FAF1: variants seen among roughly 807,000 people sequenced by gnomAD.
FAF1 encodes the protein FAS-associated factor 1.
FAF1 carries 25 observed loss-of-function variants against 92.5 expected under a neutral mutation model. The ratio of observed to expected loss-of-function variants is 0.27; its 90% CI spans 0.20 to 0.38. The LOEUF is 0.38. Among genes scored for constraint, FAF1 ranks in the 10% least tolerant of loss-of-function variants. The pLI is 1.00. For missense variants in FAF1, 636 were observed against 793.3 expected (o/e 0.80, Z 2.38); for synonymous variants, 234 against 273.2 (o/e 0.86, Z 1.42).
chr1:50,695,210 CCA>C (rs1431611383), intron 7 of FAF1, among the ~76,000 whole-genome samples: 1 of 151,968 alleles, frequency 6.6e-6, no homozygotes, highest in Non-Finnish European at 1.5e-5. Flanking sequence ...GAGTTCGAGA[CCA>C]ACCTGCCCAA....
chr1:50,531,544 C>G (rs1001190902), intron 15 of FAF1, among the ~76,000 whole-genome samples: 3 of 152,130 alleles, frequency 2.0e-5, no homozygotes, highest in Admixed American at 1.3e-4. Flanking sequence ...TGTTTTCCTC[C>G]TCACCCACTC....
At chr1:50,922,093 G>A (rs1644967805) in intron 1 of FAF1, among the ~76,000 whole-genome samples, 1 of 151,748 alleles carries the variant, frequency 6.6e-6, no homozygotes, top group East Asian at 1.9e-4. Context: ...TTAGAACCCG[G>A]GAGGCAGAGG....
At chr1:50,735,214 A>C (rs1320978912) in intron 6 of FAF1, among the ~76,000 whole-genome samples, 1 of 152,210 alleles carries the variant, frequency 6.6e-6, no homozygotes, top group Non-Finnish European at 1.5e-5. Flanking sequence ...AGTATAATTA[A>C]CAGTTTGTTT....
At chr1:50,596,084 G>T in intron 9 of FAF1, 37 bp downstream of exon 9, 1 of 1,416,618 alleles carries the variant, frequency 7.1e-7, no homozygotes, top group Non-Finnish European at 1.0e-6. Flanking sequence ...TGGGGGATGG[G>T]CCTTCTGTTC....
At chr1:50,484,242 T>C (rs1248869128) in intron 17 of FAF1, among the ~76,000 whole-genome samples, 1 of 152,128 alleles carries the variant, frequency 6.6e-6, no homozygotes, top group Non-Finnish European at 1.5e-5. Flanking sequence ...TATGACCTCA[T>C]TTCTGGATAA....
chr1:50,831,234 C>T (rs544516608), intron 2 of FAF1, among the ~76,000 whole-genome samples: 51 of 152,236 alleles, frequency 3.4e-4, no homozygotes, highest in Admixed American at 2.2e-3. Flanking sequence ...AAGTGCACTC[C>T]GTGATCCAGC....
chr1:50,781,150 TGA>T, intron 4 of FAF1: 1 of 269,538 alleles, frequency 3.7e-6, no homozygotes, highest in Non-Finnish European at 7.4e-6. Context: ...GGTGCCCCGG[TGA>T]GGGTCTACCC....
At chr1:50,869,690 C>CT (rs1644511059) in intron 1 of FAF1, among the ~76,000 whole-genome samples, 1 of 151,904 alleles carries the variant, frequency 6.6e-6, no homozygotes, top group South Asian at 2.1e-4. Flanking sequence ...TTTTTTAAAC[C>CT]TATAGTTTTC....
chr1:50,651,742 GC>G (rs1247781213), intron 8 of FAF1, among the ~76,000 whole-genome samples: 1 of 152,158 alleles, frequency 6.6e-6, no homozygotes, highest in Admixed American at 6.5e-5. Context: ...CCCAATTCAT[GC>G]CCTAAGCTGT....
At chr1:50,533,182 T>C (rs1184456590) in intron 15 of FAF1, among the ~76,000 whole-genome samples, 1 of 151,950 alleles carries the variant, frequency 6.6e-6, no homozygotes, top group Non-Finnish European at 1.5e-5. Flanking sequence ...TGGCTCCCTG[T>C]AGCCTCAGCT....
rs1324347254 is a variant in FAF1, at chr1:50,960,118, G to A, written c.-307C>T. On this transcript the variant is annotated 5_prime_UTR_variant, in exon 1 of 19. Coordinates refer to ENST00000396153, the MANE Select transcript of FAF1 (RefSeq NM_007051.3). ...GTCTTACAGTCGCGGGCCAGGATGA[G>A]GGCAGGTTGCGACAGCGCGCACCCG... is the stretch of plus-strand genomic sequence containing the variant. 2.6e-6 allele frequency: 1 copy of A among 381,742 alleles called. No individual in the cohort carries two copies. 23.6% of individuals were successfully genotyped at this position (381,742 alleles called of 1,614,324 possible).
intron 15 of FAF1, among the ~76,000 whole-genome samples, chr1:50,497,689 C>T (rs567770674): frequency 2.6e-5 from 4 of 151,810 alleles, no homozygotes; most frequent in African/African-American, 9.7e-5. Context: ...GCTGGGATTA[C>T]AGGTGCATGC....
At chr1:50,739,446 A>G (rs1337141490) in intron 5 of FAF1, among the ~76,000 whole-genome samples, 1 of 152,124 alleles carries the variant, frequency 6.6e-6, no homozygotes, top group African/African-American at 2.4e-5. Flanking sequence ...ATATATGTGT[A>G]TACACACATA....
chr1:50,625,940 A>G (rs1279221057), intron 8 of FAF1, among the ~76,000 whole-genome samples: 1 of 152,232 alleles, frequency 6.6e-6, no homozygotes, highest in African/African-American at 2.4e-5. Flanking sequence ...AAACAGGGAA[A>G]TCAGGAGAAA....
chr1:50,646,183 A>G (rs1406955562), intron 8 of FAF1, among the ~76,000 whole-genome samples: 1 of 152,152 alleles, frequency 6.6e-6, no homozygotes, highest in African/African-American at 2.4e-5. Flanking sequence ...AGGATTCAAC[A>G]AACTTGGACT....
At chr1:50,850,872 C>T (rs1015964655) in intron 2 of FAF1, among the ~76,000 whole-genome samples, 1 of 152,052 alleles carries the variant, frequency 6.6e-6, no homozygotes, top group African/African-American at 2.4e-5. Context: ...TGATTTATGT[C>T]AGCTGATTTT....
chr1:50,639,624 C>T (rs1309837827), intron 8 of FAF1, among the ~76,000 whole-genome samples: 2 of 151,838 alleles, frequency 1.3e-5, no homozygotes, highest in Non-Finnish European at 2.9e-5. Flanking sequence ...CCCATCCTTC[C>T]CTCTTCTTTC....
intron 1 of FAF1, among the ~76,000 whole-genome samples, chr1:50,928,004 G>A (rs1048856301): frequency 4.6e-5 from 7 of 152,136 alleles, no homozygotes; most frequent in African/African-American, 1.7e-4. Context: ...TGAGTATTAT[G>A]CCCTCATAAA....
At chr1:50,452,133 T>C in intron 18 of FAF1, 1 of 1,349,724 alleles carries the variant, frequency 7.4e-7, no homozygotes, top group South Asian at 1.1e-5. Context: ...ATAAAGAACA[T>C]AAAATGAATA....
Sources: allele counts gnomAD v4.1 joint callset (sites outside exome capture counted in the v4.1 genomes callset), GRCh38; gene constraint gnomAD v4.1.1; transcripts MANE v1.5; gene names NCBI Gene and HGNC (gene_info 2026-07-23, HGNC 2026-07-21).